Variants in GK5 observed in about 807,000 individuals in gnomAD.
GK5 encodes glycerol kinase 5, also known as ATP:glycerol 3-phosphotransferase 5.
In GK5, 39 loss-of-function variants were observed where a neutral mutation model predicts 77.3. The ratio of observed to expected loss-of-function variants is 0.50; its 90% CI spans 0.39 to 0.66. GK5 has a LOEUF of 0.66. Among genes scored for constraint, GK5 ranks in the 30% least tolerant of loss-of-function variants. The probability of loss-of-function intolerance (pLI) is 0.00; values close to 1 mark genes in which losing one functional copy is unlikely to be tolerated. For missense variants in GK5, 487 were observed against 633.8 expected (o/e 0.77, Z 2.49); for synonymous variants, 211 against 208.0 (o/e 1.01, Z -0.13).
chr3:142,165,894 A>C (rs2063468653), intron 15 of GK5, 124 bp from the exon 16 acceptor site: 2 of 591,690 alleles, frequency 3.4e-6, no homozygotes, highest in Non-Finnish European at 5.7e-6. Flanking sequence ...ACAATCCAAA[A>C]TACTTTGTTA....
In GK5 at chr3:142,172,429, C is replaced by T; in HGVS notation, c.1171G>A (p.Ala391Thr). ...GAAGGCTTCAAACCCATAAAAGAGG[C>T]ACATGCCCAGGGGTCATTTAATGGA... is the stretch of plus-strand genomic sequence containing the variant. ...QAPLNDPWAC[A>T]SFMGLKPSTS... Residue 391 changes from alanine to threonine, a missense_variant, in exon 13 of 16, where the codon GCC becomes ACC. This residue lies in a region of GK5 where 323 missense variants were observed against 437.4 expected (regional missense o/e 0.74). Coordinates refer to ENST00000392993, the MANE Select transcript of GK5 (RefSeq NM_001039547.3). The T allele has an allele frequency of 6.2e-7, 1 of 1,602,216 alleles. No individual in the cohort carries two copies. The highest frequency in any genetic ancestry group is 8.5e-7 in the Non-Finnish European group (1 of 1,171,630).
chr3:142,196,248 C>T (rs193184516), intron 5 of GK5, among the ~76,000 whole-genome samples: 180 of 152,074 alleles, frequency 1.2e-3, no homozygotes, highest in African/African-American at 3.9e-3. Flanking sequence ...CTAATCTTTT[C>T]AAAGAAGCAA....
chr3:142,213,321 C>T (rs1201401864), intron 3 of GK5, among the ~76,000 whole-genome samples: 1 of 152,122 alleles, frequency 6.6e-6, no homozygotes, highest in Non-Finnish European at 1.5e-5. Flanking sequence ...ACAGTTAAGT[C>T]TTTTTGTGGT....
In GK5 at chr3:142,215,651, A is replaced by G; in HGVS notation, c.189T>C (p.Asp63=). 6.3e-7 allele frequency: 1 copy of G among 1,599,634 alleles called. No homozygotes were observed. Among genetic ancestry groups the G allele is most frequent in the Non-Finnish European group, 8.6e-7 (1 of 1,168,876 alleles). ...LYPQIGWVEI[D]PDVLWIQFVA... ...CAAATTGAATCCAAAGAACATCAGG[A>G]TCAATTTCTACCCAGCCAATTTGAG... is the stretch of plus-strand genomic sequence containing the variant. The change falls in exon 2 of 16, where the codon GAT becomes GAC. Residue 63 remains aspartate, a synonymous_variant. Transcript: ENST00000392993.
At position 142,224,916 on chromosome 3, in the gene GK5, C is replaced by T. The variant is rs888220887; in HGVS notation, c.147+393G>A. 4.6e-5 allele frequency among the ~76,000 whole-genome samples: 7 copies of T among 152,184 alleles called. No individual in the cohort carries two copies. The South Asian group carries it at 1.5e-3, about 32-fold the overall frequency. On this transcript the variant is annotated intron_variant, in intron 1 of 15. Coordinates refer to ENST00000392993, the MANE Select transcript of GK5 (RefSeq NM_001039547.3). ...TGGTGGGAGATCTATCAGGGAAGTG[C>T]AGGAAGAACCAAGCAACTCACAAAC...
Position 142,172,469 on chromosome 3 carries a change from A to G in GK5, c.1144-13T>C. The G allele has an allele frequency of 7.4e-7, 1 of 1,356,914 alleles. No individual in the cohort carries two copies. The highest frequency in any genetic ancestry group is 1.0e-6 in the Non-Finnish European group (1 of 957,682). 84.1% of individuals were successfully genotyped at this position (1,356,914 alleles called of 1,614,324 possible). A position where few individuals can be genotyped will look rare whatever the true frequency, so the allele number is the denominator to read the frequency against. ...CATTTAATGGAGCCTACAGTAAGAGATAACAAGAATATATTATTATTATTC... is the reference window on the plus strand; with the variant it reads ...CATTTAATGGAGCCTACAGTAAGAGGTAACAAGAATATATTATTATTATTC... On this transcript the variant is annotated splice_polypyrimidine_tract_variant and intron_variant, in intron 12 of 15. Coordinates refer to ENST00000392993, the MANE Select transcript of GK5 (RefSeq NM_001039547.3).
In GK5 at chr3:142,160,553, T is replaced by A. The variant is rs2063418164; in HGVS notation, c.*5069A>T. On this transcript the variant is annotated 3_prime_UTR_variant, in exon 16 of 16. Transcript: ENST00000392993. ...AAGTTCCTTCCCTATAGCACCAGAG[T>A]GTTTCGCACTCTTAAAATTCAATCT... The A allele has an allele frequency of 6.6e-6, 1 of 152,054 alleles. No individual in the cohort carries two copies. 9.4% of individuals were successfully genotyped at this position (152,054 alleles called of 1,614,324 possible).
intron 6 of GK5, 55 bp from the exon 7 acceptor site, chr3:142,186,568 T>C: frequency 1.4e-6 from 1 of 739,626 alleles, no homozygotes. Context: ...AATCAACACC[T>C]ATCGATAGTA....
At chr3:142,174,610 T>A (rs2108782987) in intron 12 of GK5, among the ~76,000 whole-genome samples, 1 of 152,304 alleles carries the variant, frequency 6.6e-6, no homozygotes, top group African/African-American at 2.4e-5. Context: ...GACATCCTAG[T>A]CACTCACAAA....
chr3:142,189,466 AT>A (rs1470975680), intron 5 of GK5, among the ~76,000 whole-genome samples: 3 of 152,202 alleles, frequency 2.0e-5, no homozygotes, highest in African/African-American at 4.8e-5. Flanking sequence ...AAATTTAGAA[AT>A]TTTTATTCTA....
chr3:142,172,963 G>T, intron 12 of GK5: 1 of 223,260 alleles, frequency 4.5e-6, no homozygotes, highest in Non-Finnish European at 9.3e-6. Context: ...AGCACTCTGG[G>T]AGGCCAAGGA....
At chr3:142,211,779 G>T (rs1424755962) in intron 3 of GK5, among the ~76,000 whole-genome samples, 2 of 152,198 alleles carry the variant, frequency 1.3e-5, no homozygotes, top group East Asian at 3.9e-4. Context: ...AGGTAGCAAA[G>T]TGAAGACCTC....
chr3:142,221,852 C>G (rs570960107), intron 1 of GK5, among the ~76,000 whole-genome samples: 63 of 152,196 alleles, frequency 4.1e-4, no homozygotes, highest in South Asian at 1.0e-3. Context: ...AAATGTATCT[C>G]TACTGTTAAA....
intron 15 of GK5, among the ~76,000 whole-genome samples, chr3:142,166,487 T>C (rs1293308614): frequency 1.3e-5 from 2 of 152,212 alleles, no homozygotes; most frequent in East Asian, 3.8e-4. Context: ...AGTTCTAGCA[T>C]AGACTGCTCT....
Position 142,163,267 on chromosome 3 carries a change from A to G in GK5, c.*2355T>C, listed in dbSNP as rs138918662. On this transcript the variant is annotated 3_prime_UTR_variant, in exon 16 of 16. Transcript: ENST00000392993. ...AGTTACTTTCCAACATTATCTGAAAAGTATTGATCCTTTTTTTTTTTTTTT... is the reference window on the plus strand; with the variant it reads ...AGTTACTTTCCAACATTATCTGAAAGGTATTGATCCTTTTTTTTTTTTTTT... 5 of 145,944 alleles carry G rather than the reference A, an allele frequency of 3.4e-5. No individual in the cohort carries two copies. Among genetic ancestry groups the G allele is most frequent in the African/African-American group, 1.3e-4 (5 of 37,802 alleles). 9.0% of individuals were successfully genotyped at this position (145,944 alleles called of 1,614,324 possible). A position where few individuals can be genotyped will look rare whatever the true frequency, so the allele number is the denominator to read the frequency against.
Position 142,177,568 on chromosome 3 carries a change from T to G in GK5, c.1057A>C (p.Thr353Pro). The G allele has an allele frequency of 6.2e-7, 1 of 1,604,270 alleles. No homozygotes were observed. The highest frequency in any genetic ancestry group is 8.5e-7 in the Non-Finnish European group (1 of 1,173,282). Residue 353 changes from threonine to proline, a missense_variant, in exon 12 of 16, where the codon ACA (threonine) becomes CCA (proline). Physicochemically the swap from Thr to Pro is conservative, Grantham distance 38. Transcript: ENST00000392993. ...ATTTTTTCAGTCTCAGCAGCATCTG[T>G]GAAAAGGTCTGCAAAAACAAACAAA... The part of the protein sequence containing the change: ...IKWAQQLDLF[T>P]DAAETEKMAK...
rs756840351 is a variant in GK5, at chr3:142,172,474, A to G, written c.1144-18T>C. The stretch of plus-strand genomic sequence containing the variant: ...AATGGAGCCTACAGTAAGAGATAAC[A>G]AGAATATATTATTATTATTCTAAAT... On this transcript the variant is annotated intron_variant, in intron 12 of 15. Coordinates refer to ENST00000392993, the MANE Select transcript of GK5 (RefSeq NM_001039547.3). 7.6e-7 allele frequency: 1 copy of G among 1,317,928 alleles called. No individual in the cohort carries two copies. The highest frequency in any genetic ancestry group is 1.1e-6 in the Non-Finnish European group (1 of 923,978). 81.6% of individuals were successfully genotyped at this position (1,317,928 alleles called of 1,614,324 possible).
chr3:142,181,542 T>A lies in GK5; in HGVS notation c.967A>T (p.Lys323Ter). Residue 323 changes from lysine to a stop codon, truncating the protein, a stop_gained, in exon 11 of 16, where the codon AAG becomes TAG. Transcript: ENST00000392993. LOFTEE classifies it high-confidence loss of function. ...TGGFYPLIGW[K>*]IGQEVVCLAE... ...AAGCATACGACTTCTTGCCCAATCT[T>A]CCACCCAATTAATGGATAAAAGCCT... is the stretch of plus-strand genomic sequence containing the variant. 6.2e-7 allele frequency: 1 copy of A among 1,612,762 alleles called. No individual in the cohort carries two copies. Among genetic ancestry groups the A allele is most frequent in the Non-Finnish European group, 8.5e-7 (1 of 1,179,134 alleles).
intron 1 of GK5, among the ~76,000 whole-genome samples, chr3:142,221,040 C>T (rs1216555793): frequency 6.6e-6 from 1 of 151,782 alleles, no homozygotes; most frequent in Admixed American, 6.6e-5. Context: ...AGGCATGGTA[C>T]CAAAAAAATG....
Sources: allele counts gnomAD v4.1 joint callset (sites outside exome capture counted in the v4.1 genomes callset), GRCh38; gene constraint gnomAD v4.1.1; regional missense constraint gnomAD v4.1.1; transcripts MANE v1.5; gene names NCBI Gene and HGNC (gene_info 2026-07-23, HGNC 2026-07-21).